Variants in FAM149B1 observed in about 807,000 individuals in gnomAD.
FAM149B1 encodes family with sequence similarity 149 member B1.
FAM149B1 carries 56 observed loss-of-function variants against 75.3 expected under a neutral mutation model. That is an observed-to-expected ratio of 0.74 (90% CI 0.60 to 0.93). FAM149B1 has a LOEUF of 0.93. FAM149B1 is among the 40% of genes least tolerant of loss of function. The pLI, the probability that FAM149B1 is intolerant of heterozygous loss-of-function variation, is 0.00. For synonymous variants in FAM149B1, 259 were observed against 256.1 expected, an observed-to-expected ratio of 1.01 and a Z score of -0.11; for missense variants, 639 against 708.4, an observed-to-expected ratio of 0.90 and a Z score of 1.11.
At chr10:73,191,577 A>G (rs912866608) in intron 3 of FAM149B1, among the ~76,000 whole-genome samples, 2 of 151,858 alleles carry the variant, frequency 1.3e-5, no homozygotes, top group African/African-American at 4.8e-5. Context: ...ACCTCAGGTG[A>G]TCCACCCCAC....
At chr10:73,201,166 C>T in intron 5 of FAM149B1, 1 of 272,732 alleles carries the variant, frequency 3.7e-6, no homozygotes, top group Non-Finnish European at 7.5e-6. Context: ...CTTCGTGACA[C>T]TGAGATTTGT....
Position 73,232,122 on chromosome 10 carries a change from G to A in FAM149B1, c.1128-817G>A, listed in dbSNP as rs189509656. Among the ~76,000 whole-genome samples the A allele has an allele frequency of 1.4e-4, 22 of 152,240 alleles. No individual in the cohort carries two copies. The East Asian group carries it at 3.1e-3, about 21-fold the overall frequency. On this transcript the variant is annotated intron_variant, in intron 9 of 13. Transcript: ENST00000242505. The stretch of plus-strand genomic sequence containing the variant: ...GAAAGCTATAGGAGCAAATGGCAGA[G>A]CTTAGCTGCGTTATTCTTTCACTTC...
chr10:73,227,965 A>G, intron 7 of FAM149B1, 95 bp from the exon 8 acceptor site: 1 of 1,264,742 alleles, frequency 7.9e-7, no homozygotes, highest in Non-Finnish European at 1.1e-6. Context: ...GCCTTGTTTG[A>G]GATTATGAAT....
chr10:73,234,654 AT>A, intron 10 of FAM149B1, 162 bp from the exon 11 acceptor site: 2 of 750,800 alleles, frequency 2.7e-6, no homozygotes, highest in Non-Finnish European at 4.2e-6. Flanking sequence ...TTAAAAACTA[AT>A]TTTCCAAAAA....
rs1232687623 is a variant in FAM149B1 at position 73,208,718 on chromosome 10, T to C, written c.642T>C (p.Asp214=). ...KSSSFCSMER[D]EEDSIIVSEG... is the part of the protein sequence containing the mutation. ...CCAGCTTTTGTTCTATGGAAAGAGA[T>C]GAGGAAGACTCTATAATCGTCTCAG... The change falls in exon 6 of 14, where the codon GAT becomes GAC. Residue 214 remains aspartate, a synonymous_variant. Coordinates refer to ENST00000242505, the MANE Select transcript of FAM149B1 (RefSeq NM_173348.2). 1 of 1,548,542 alleles carries C rather than the reference T, an allele frequency of 6.5e-7. No individual in the cohort carries two copies. The highest frequency in any genetic ancestry group is 1.2e-5 in the South Asian group (1 of 83,616).
chr10:73,193,640 G>A (rs570105713), intron 5 of FAM149B1, 47 bp downstream of exon 5: 7 of 1,522,774 alleles, frequency 4.6e-6, no homozygotes, highest in Non-Finnish European at 6.2e-6. Context: ...TAATATGCAA[G>A]TATTATGTCC....
chr10:73,236,559 G>A (rs973844827), intron 12 of FAM149B1, among the ~76,000 whole-genome samples: 8 of 150,800 alleles, frequency 5.3e-5, no homozygotes, highest in African/African-American at 2.0e-4. Context: ...GACTACAGGT[G>A]CCTGCCACCA....
chr10:73,229,675 G>A (rs2043639497), intron 8 of FAM149B1, among the ~76,000 whole-genome samples: 1 of 152,228 alleles, frequency 6.6e-6, no homozygotes, highest in African/African-American at 2.4e-5. Context: ...ACTGCTGCAT[G>A]TTGAACTGGT....
In FAM149B1 at chr10:73,210,352, T is replaced by G. The variant is rs919658829; in HGVS notation, c.812T>G (p.Leu271Arg). ...TTTTACTGCATGAAAGAAGATGTCCTTGCTTATGTGTTTGACAGTGTATGG... is the reference window on the plus strand; with the variant it reads ...TTTTACTGCATGAAAGAAGATGTCCGTGCTTATGTGTTTGACAGTGTATGG... ...APFYCMKEDV[L>R]AYVFDSVWCK... The change falls in exon 7 of 14, where the codon CTT becomes CGT. Residue 271 changes from leucine to arginine, a missense_variant. Coordinates refer to ENST00000242505, the MANE Select transcript of FAM149B1 (RefSeq NM_173348.2). The G allele has an allele frequency of 2.6e-6, 4 of 1,551,440 alleles. No individual in the cohort carries two copies. Among genetic ancestry groups the G allele is most frequent in the Non-Finnish European group, 3.5e-6 (4 of 1,146,784 alleles).
intron 3 of FAM149B1, among the ~76,000 whole-genome samples, chr10:73,186,830 A>G (rs1262752661): frequency 2.0e-5 from 3 of 152,236 alleles, no homozygotes; most frequent in Non-Finnish European, 4.4e-5. Context: ...CCAGAAGAGC[A>G]ATTCCATAGA....
intron 7 of FAM149B1, among the ~76,000 whole-genome samples, chr10:73,216,557 C>T (rs986747106): frequency 3.3e-5 from 5 of 152,294 alleles, no homozygotes; most frequent in African/African-American, 1.2e-4. Flanking sequence ...CTTGTGACCA[C>T]AGAGGATGGG....
chr10:73,209,795 T>C (rs1464782076), intron 6 of FAM149B1, among the ~76,000 whole-genome samples: 1 of 152,268 alleles, frequency 6.6e-6, no homozygotes, highest in African/African-American at 2.4e-5. Context: ...AGCAGCATAT[T>C]TGAAAATAAG....
chr10:73,202,872 T>C (rs973435061), intron 5 of FAM149B1, among the ~76,000 whole-genome samples: 5 of 152,104 alleles, frequency 3.3e-5, no homozygotes, highest in African/African-American at 1.2e-4. Flanking sequence ...GTATTTTTTG[T>C]AGAGACAGGA....
At position 73,215,878 on chromosome 10, in the gene FAM149B1, T is replaced by G. The variant is rs377687267; in HGVS notation, c.898+5440T>G. On this transcript the variant is annotated intron_variant, in intron 7 of 13. Coordinates refer to ENST00000242505, the MANE Select transcript of FAM149B1 (RefSeq NM_173348.2). ...CCATGTGCTGATGAAAGAATGTATATTCTGTAGTTTTTGAGTAGACCGTTC... is the reference window on the plus strand; with the variant it reads ...CCATGTGCTGATGAAAGAATGTATAGTCTGTAGTTTTTGAGTAGACCGTTC... 3.9e-5 allele frequency among the ~76,000 whole-genome samples: 6 copies of G among 152,358 alleles called. No homozygotes were observed. In the East Asian group the frequency reaches 9.6e-4, roughly 24 times the overall value.
At chr10:73,206,080 A>G (rs925369556) in intron 5 of FAM149B1, among the ~76,000 whole-genome samples, 5 of 152,218 alleles carry the variant, frequency 3.3e-5, no homozygotes, top group African/African-American at 1.2e-4. Flanking sequence ...TGAAATGGAC[A>G]ATAAAGTCCA....
intron 1 of FAM149B1, chr10:73,168,849 T>G (rs1439887096): frequency 1.3e-5 from 2 of 159,392 alleles, no homozygotes; most frequent in Non-Finnish European, 2.8e-5. Context: ...TCACACAGCT[T>G]GAAGGTGGTA....
At chr10:73,233,220 A>G (rs2043751582) in intron 10 of FAM149B1, 57 bp downstream of exon 10, 4 of 1,189,728 alleles carry the variant, frequency 3.4e-6, no homozygotes, top group Non-Finnish European at 4.9e-6. Flanking sequence ...CATTTTACAT[A>G]CAGAATTAAT....
intron 3 of FAM149B1, among the ~76,000 whole-genome samples, chr10:73,188,286 A>C (rs1199158433): frequency 6.6e-6 from 1 of 152,226 alleles, no homozygotes; most frequent in Non-Finnish European, 1.5e-5. Flanking sequence ...ATGTGCAAAA[A>C]GATGAATTCA....
In FAM149B1 at chr10:73,194,058, CCCATTAAT is replaced by C. The variant is rs1197772386; in HGVS notation, c.542+470_542+477del. Among the ~76,000 whole-genome samples the C allele has an allele frequency of 3.3e-5, 5 of 152,198 alleles. No homozygotes were observed. The East Asian group carries it at 9.7e-4, about 29-fold the overall frequency. ...GCTACCAGTTCCCCTTCCATGATAA[CCCATTAAT>C]CCATACATGGATTAAACCATTCATG... On this transcript the variant is annotated intron_variant, in intron 5 of 13. Coordinates refer to ENST00000242505, the MANE Select transcript of FAM149B1 (RefSeq NM_173348.2).
Sources: allele counts gnomAD v4.1 joint callset (sites outside exome capture counted in the v4.1 genomes callset), GRCh38; gene constraint gnomAD v4.1.1; transcripts MANE v1.5; gene names NCBI Gene and HGNC (gene_info 2026-07-23, HGNC 2026-07-21).